ATP8A2: variants seen among roughly 807,000 people sequenced by gnomAD.
ATP8A2 encodes the protein phospholipid-transporting ATPase IB.
In ATP8A2, 100 loss-of-function variants were observed where a neutral mutation model predicts 165.6. The ratio of observed to expected loss-of-function variants is 0.60; its 90% CI spans 0.51 to 0.71. The LOEUF (loss-of-function observed/expected upper bound fraction) is 0.71, where lower values mean the gene tolerates loss of function less well. ATP8A2 is among the 30% of genes least tolerant of loss of function. The pLI, the probability that ATP8A2 is intolerant of heterozygous loss-of-function variation, is 0.00. For synonymous variants in ATP8A2, 543 were observed against 548.8 expected (o/e 0.99, Z 0.15); for missense variants, 1,227 against 1,479.5 (o/e 0.83, Z 2.80).
chr13:25,989,411 C>T (rs1462446260), intron 35 of ATP8A2, among the ~76,000 whole-genome samples: 1 of 152,160 alleles, frequency 6.6e-6, no homozygotes, highest in Admixed American at 6.5e-5. Flanking sequence ...CTCCAATTAG[C>T]ACATTTATTT....
At chr13:25,493,544 C>A (rs962369956) in intron 2 of ATP8A2, among the ~76,000 whole-genome samples, 2 of 152,124 alleles carry the variant, frequency 1.3e-5, no homozygotes, top group Non-Finnish European at 2.9e-5. Flanking sequence ...TAAACATATG[C>A]GGGAACCGGA....
intron 24 of ATP8A2, among the ~76,000 whole-genome samples, chr13:25,592,527 G>A (rs1437496015): frequency 6.6e-6 from 1 of 152,216 alleles, no homozygotes; most frequent in Non-Finnish European, 1.5e-5. Context: ...TCGGTGGACA[G>A]GAGAGCAGAG....
intron 2 of ATP8A2, among the ~76,000 whole-genome samples, chr13:25,497,044 G>A (rs2036699276): frequency 6.6e-6 from 1 of 152,126 alleles, no homozygotes; most frequent in African/African-American, 2.4e-5. Flanking sequence ...CAGGCTGCGG[G>A]GCCCTCAGAG....
At chr13:25,683,033 C>T (rs771671610) in intron 24 of ATP8A2, among the ~76,000 whole-genome samples, 11 of 152,046 alleles carry the variant, frequency 7.2e-5, no homozygotes, top group Non-Finnish European at 1.0e-4. Context: ...AAAACAACCC[C>T]GGAAAGTAAG....
intron 25 of ATP8A2, among the ~76,000 whole-genome samples, chr13:25,728,546 A>G (rs1321440019): frequency 1.1e-4 from 17 of 152,218 alleles, no homozygotes; most frequent in Non-Finnish European, 2.4e-4. Context: ...TATTTGATCC[A>G]TGTGATGGGC....
At chr13:25,931,336 T>C (rs1010112310) in intron 33 of ATP8A2, among the ~76,000 whole-genome samples, 2 of 152,264 alleles carry the variant, frequency 1.3e-5, no homozygotes, top group Non-Finnish European at 2.9e-5. Flanking sequence ...ATGATGTATA[T>C]GCAATTATTC....
intron 2 of ATP8A2, among the ~76,000 whole-genome samples, chr13:25,502,188 A>G (rs1044593146): frequency 1.2e-4 from 18 of 152,192 alleles, no homozygotes; most frequent in African/African-American, 4.3e-4. Flanking sequence ...GCTGTGTGGC[A>G]TGTCAGACAG....
intron 30 of ATP8A2, among the ~76,000 whole-genome samples, chr13:25,845,161 C>T (rs183677299): frequency 7.2e-5 from 11 of 152,300 alleles, no homozygotes; most frequent in Admixed American, 1.3e-4. Flanking sequence ...CTGCCTGCAG[C>T]TCCTCGCCTT....
At chr13:25,538,203 C>G in intron 7 of ATP8A2, 142 bp downstream of exon 7, 1 of 577,390 alleles carries the variant, frequency 1.7e-6, no homozygotes, top group South Asian at 2.7e-5. Context: ...TGTCATTTCC[C>G]TTCTCCTGCC....
intron 2 of ATP8A2, among the ~76,000 whole-genome samples, chr13:25,513,456 C>G (rs890079618): frequency 2.0e-5 from 3 of 150,138 alleles, no homozygotes; most frequent in African/African-American, 4.9e-5. Flanking sequence ...CGGGAAGAGG[C>G]GCTCCTCACT....
chr13:26,010,967 G>A (rs894605734), intron 35 of ATP8A2, among the ~76,000 whole-genome samples: 44 of 152,200 alleles, frequency 2.9e-4, no homozygotes, highest in African/African-American at 7.9e-4. Flanking sequence ...GAAGAGCCAG[G>A]GCCCCACTCC....
chr13:26,000,844 T>C (rs536101496), intron 35 of ATP8A2, among the ~76,000 whole-genome samples: 2 of 152,362 alleles, frequency 1.3e-5, no homozygotes, highest in South Asian at 4.1e-4. Flanking sequence ...CACCTTTTTT[T>C]AATTCAATTT....
chr13:25,727,616 A>G (rs1208416278), intron 25 of ATP8A2, among the ~76,000 whole-genome samples: 1 of 152,246 alleles, frequency 6.6e-6, no homozygotes, highest in Non-Finnish European at 1.5e-5. Flanking sequence ...GGGACCAGTA[A>G]TAAAACATAA....
chr13:26,014,417 A>G (rs533416746), intron 36 of ATP8A2, among the ~76,000 whole-genome samples: 63 of 152,340 alleles, frequency 4.1e-4, no homozygotes, highest in Non-Finnish European at 6.8e-4. Context: ...GCAGGGAAGA[A>G]ATGTTAACAA....
intron 1 of ATP8A2, among the ~76,000 whole-genome samples, chr13:25,429,371 TAAAAAAAAAAAAAA>T (rs751056483): frequency 4.8e-5 from 6 of 126,006 alleles, no homozygotes; most frequent in African/African-American, 1.4e-4. Context: ...GACTCCATCT[TAAAAAAAAAAAAAA>T]AAAAAAAAAA....
intron 2 of ATP8A2, among the ~76,000 whole-genome samples, chr13:25,513,142 G>A (rs1198219372): frequency 1.3e-5 from 2 of 151,742 alleles, no homozygotes; most frequent in African/African-American, 4.8e-5. Context: ...CCGGGCGGAG[G>A]GGCTCCTCAC....
intron 25 of ATP8A2, among the ~76,000 whole-genome samples, chr13:25,730,082 G>A (rs932456884): frequency 6.8e-6 from 1 of 147,326 alleles, no homozygotes; most frequent in South Asian, 2.1e-4. Context: ...TTGAACCCAG[G>A]AGTTTGAGAC....
intron 1 of ATP8A2, among the ~76,000 whole-genome samples, chr13:25,440,088 T>C (rs1388399000): frequency 1.3e-5 from 2 of 151,936 alleles, no homozygotes; most frequent in Non-Finnish European, 2.9e-5. Context: ...GAGGGGGTGC[T>C]AGTGTTGGCG....
chr13:25,556,908 C>T (rs1224840392), intron 13 of ATP8A2, among the ~76,000 whole-genome samples: 1 of 152,146 alleles, frequency 6.6e-6, no homozygotes, highest in African/African-American at 2.4e-5. Context: ...CTCATTATCC[C>T]TCTGTGAAAA....
Sources: gnomAD v4.1 joint callset for allele counts (sites outside exome capture counted in the v4.1 genomes callset) on GRCh38, gnomAD v4.1.1 for gene constraint, MANE v1.5 for transcripts, NCBI Gene and HGNC (gene_info 2026-07-23, HGNC 2026-07-21) for gene names.